STIM1: variants seen among roughly 807,000 people sequenced by gnomAD.
STIM1 encodes the protein stromal interaction molecule 1.
A neutral mutation model predicts 74.7 loss-of-function variants in STIM1; 25 were observed. The ratio of observed to expected loss-of-function variants is 0.33; its 90% CI spans 0.24 to 0.47. STIM1 has a LOEUF of 0.47. Ranked by LOEUF, STIM1 falls within the 20% of genes least tolerant of loss-of-function variation. The pLI, the probability that STIM1 is intolerant of heterozygous loss-of-function variation, is 1.00. For missense variants in STIM1, 728 were observed against 920.8 expected (o/e 0.79, Z 2.71); for synonymous variants, 328 against 348.8 (o/e 0.94, Z 0.66).
At chr11:3,993,078 A>T (rs1283585690) in intron 2 of STIM1, among the ~76,000 whole-genome samples, 1 of 152,028 alleles carries the variant, frequency 6.6e-6, no homozygotes, top group East Asian at 1.9e-4. Flanking sequence ...AAAAAAAAAA[A>T]AATGTAAACC....
intron 2 of STIM1, among the ~76,000 whole-genome samples, chr11:4,019,977 A>G (rs1240463366): frequency 1.3e-5 from 2 of 152,150 alleles, no homozygotes; most frequent in African/African-American, 2.4e-5. Flanking sequence ...TCTGGTAACC[A>G]CTATCCTACG....
At position 4,091,567 on chromosome 11, in the gene STIM1, A is replaced by G. The variant is rs2094525435; in HGVS notation, c.1920A>G (p.Pro640=). ...CCTCAGCCCCACCTGGTGGCTCTCCACATTTGGATTCTTCCCGTTCTCACA... is the reference window on the plus strand; with the variant it reads ...CCTCAGCCCCACCTGGTGGCTCTCCGCATTTGGATTCTTCCCGTTCTCACA... ...LSPSAPPGGS[P]HLDSSRSHSP... is the part of the protein sequence containing the mutation. Residue 640 remains proline (P), a synonymous_variant, in exon 13 of 13, where the codon CCA becomes CCG. Transcript: ENST00000526596. 1 of 1,613,992 alleles carries G rather than the reference A, an allele frequency of 6.2e-7. No individual in the cohort carries two copies. Among genetic ancestry groups the G allele is most frequent in the East Asian group, 2.2e-5 (1 of 44,856 alleles).
intron 1 of STIM1, among the ~76,000 whole-genome samples, chr11:3,895,598 T>A (rs1438117368): frequency 1.1e-5 from 1 of 87,018 alleles, no homozygotes; most frequent in Non-Finnish European, 2.2e-5. Flanking sequence ...ATAGTGTTCT[T>A]TCTTTCTCTC....
At chr11:3,937,717 A>G (rs1230969321) in intron 1 of STIM1, among the ~76,000 whole-genome samples, 1 of 152,108 alleles carries the variant, frequency 6.6e-6, no homozygotes, top group Non-Finnish European at 1.5e-5. Context: ...ATATGTATAT[A>G]AGCTCATCCA....
chr11:3,980,024 C>A (rs2093486337), intron 2 of STIM1, among the ~76,000 whole-genome samples: 1 of 152,170 alleles, frequency 6.6e-6, no homozygotes, highest in East Asian at 1.9e-4. Flanking sequence ...AGTACATAGT[C>A]TCTATCGCTC....
At chr11:3,979,808 A>G (rs923509108) in intron 2 of STIM1, among the ~76,000 whole-genome samples, 6 of 152,070 alleles carry the variant, frequency 3.9e-5, no homozygotes, top group African/African-American at 1.4e-4. Flanking sequence ...TTGTCTTATA[A>G]ACATTTTATG....
At chr11:3,990,352 A>G (rs1028667508) in intron 2 of STIM1, among the ~76,000 whole-genome samples, 3 of 152,234 alleles carry the variant, frequency 2.0e-5, no homozygotes, top group African/African-American at 7.2e-5. Flanking sequence ...CTTTTTGGCT[A>G]TAATGAAAAC....
Position 3,870,495 on chromosome 11 carries a change from C to CT in STIM1, c.139+14094dup, listed in dbSNP as rs568692169. Among the ~76,000 whole-genome samples, 65 of 152,074 alleles carry CT rather than the reference C, an allele frequency of 4.3e-4. 1 individual carries two copies. Among genetic ancestry groups the CT allele is most frequent in the Admixed American group, 1.2e-3 (18 of 15,260 alleles). On this transcript the variant is annotated intron_variant, in intron 1 of 12. Coordinates refer to ENST00000526596, the MANE Select transcript of STIM1 (RefSeq NM_001382567.1). ...TATGCTTTCTATAATACTCTTTTTA[C>CT]TTTTTTTTGGTTTTGTTCTGAGACA...
intron 5 of STIM1, 26 bp downstream of exon 5, chr11:4,059,422 C>T: frequency 6.3e-7 from 1 of 1,599,970 alleles, no homozygotes; most frequent in Non-Finnish European, 8.6e-7. Flanking sequence ...AGAAGGGCTA[C>T]TGCTGTGCCA....
chr11:4,007,451 T>G (rs1458513987), intron 2 of STIM1, among the ~76,000 whole-genome samples: 1 of 152,242 alleles, frequency 6.6e-6, no homozygotes, highest in African/African-American at 2.4e-5. Flanking sequence ...CTACTTCAAG[T>G]ATATTGAACA....
At chr11:4,071,809 G>C (rs2094405409) in intron 6 of STIM1, among the ~76,000 whole-genome samples, 1 of 152,330 alleles carries the variant, frequency 6.6e-6, no homozygotes, top group Admixed American at 6.5e-5. Context: ...GAGAGGGTAA[G>C]TGCTTTGTTC....
chr11:3,911,774 G>A (rs2092565718), intron 1 of STIM1, among the ~76,000 whole-genome samples: 1 of 152,072 alleles, frequency 6.6e-6, no homozygotes. Context: ...TTGCCTGTAG[G>A]CAGGCAGTCT....
intron 1 of STIM1, among the ~76,000 whole-genome samples, chr11:3,904,582 C>T (rs1245100514): frequency 1.3e-5 from 2 of 152,048 alleles, no homozygotes; most frequent in East Asian, 1.9e-4. Flanking sequence ...TCTTATATGC[C>T]TGTGCTTAGA....
intron 3 of STIM1, among the ~76,000 whole-genome samples, chr11:4,052,075 A>G (rs1403719792): frequency 6.6e-6 from 1 of 152,178 alleles, no homozygotes; most frequent in Non-Finnish European, 1.5e-5. Flanking sequence ...CTTCAAGGAG[A>G]ACTACAAACC....
chr11:3,969,342 G>A (rs569791790), intron 2 of STIM1, among the ~76,000 whole-genome samples: 54 of 152,210 alleles, frequency 3.5e-4, no homozygotes, highest in African/African-American at 1.2e-3. Flanking sequence ...AATTGGCTGG[G>A]TGTGGTGGCA....
At chr11:3,926,870 TTTAGGGAG>T (rs1351129380) in intron 1 of STIM1, among the ~76,000 whole-genome samples, 1 of 152,200 alleles carries the variant, frequency 6.6e-6, no homozygotes, top group Non-Finnish European at 1.5e-5. Context: ...AGGGATTTAC[TTTAGGGAG>T]TTGACAGATG....
chr11:4,043,379 A>G (rs997249680), intron 3 of STIM1, among the ~76,000 whole-genome samples: 17 of 152,054 alleles, frequency 1.1e-4, no homozygotes, highest in Non-Finnish European at 1.0e-4. Context: ...TTCTTTGTGG[A>G]TATGTGTCAT....
chr11:4,088,039 G>T (rs1417020824), intron 12 of STIM1, among the ~76,000 whole-genome samples: 4 of 151,952 alleles, frequency 2.6e-5, no homozygotes, highest in East Asian at 1.9e-4. Flanking sequence ...ATTAGAACTT[G>T]GCTTTCCATT....
intron 3 of STIM1, among the ~76,000 whole-genome samples, chr11:4,030,560 C>G (rs1042761054): frequency 6.6e-6 from 1 of 152,186 alleles, no homozygotes; most frequent in Non-Finnish European, 1.5e-5. Context: ...AGTTAACCAT[C>G]AAGTCATTTA....
Sources: allele counts gnomAD v4.1 joint callset (sites outside exome capture counted in the v4.1 genomes callset), GRCh38; gene constraint gnomAD v4.1.1; transcripts MANE v1.5; gene names NCBI Gene and HGNC (gene_info 2026-07-23, HGNC 2026-07-21).